Variants in ZFYVE9 observed in about 807,000 individuals in gnomAD.
The protein encoded by ZFYVE9 is zinc finger FYVE-type containing 9, also known as zinc finger FYVE domain-containing protein 9.
Under a neutral mutation model 126.7 loss-of-function variants are expected in ZFYVE9, and 43 were observed. The observed-to-expected ratio is 0.34, with a 90% confidence interval of 0.27 to 0.44. The LOEUF (loss-of-function observed/expected upper bound fraction) is 0.44, where lower values mean the gene tolerates loss of function less well. Ranked by LOEUF, ZFYVE9 falls within the 20% of genes least tolerant of loss-of-function variation. The pLI is 1.00. For missense variants in ZFYVE9, 1,476 were observed against 1,697.0 expected, an observed-to-expected ratio of 0.87 and a Z score of 2.29; for synonymous variants, 521 against 597.4, an observed-to-expected ratio of 0.87 and a Z score of 1.87.
At chr1:52,203,930 C>G (rs975908211) in intron 1 of ZFYVE9, among the ~76,000 whole-genome samples, 1 of 152,014 alleles carries the variant, frequency 6.6e-6, no homozygotes, top group Non-Finnish European at 1.5e-5. Context: ...TAGAATTTTT[C>G]TATACTTTCA....
chr1:52,160,013 T>C (rs555769056), intron 1 of ZFYVE9, among the ~76,000 whole-genome samples: 1 of 151,822 alleles, frequency 6.6e-6, no homozygotes, highest in African/African-American at 2.4e-5. Context: ...TTGGTAGAAA[T>C]TACTTTTATG....
intron 4 of ZFYVE9, among the ~76,000 whole-genome samples, chr1:52,243,408 A>C (rs1645354748): frequency 6.6e-6 from 1 of 152,236 alleles, no homozygotes; most frequent in African/African-American, 2.4e-5. Context: ...GTTGACACAT[A>C]AAGGTGGAGG....
chr1:52,180,595 A>AT, intron 1 of ZFYVE9: 1 of 577,066 alleles, frequency 1.7e-6, no homozygotes, highest in Non-Finnish European at 3.1e-6. Flanking sequence ...AATTGTCTGG[A>AT]TTTTTTAAAA....
chr1:52,318,296 G>C (rs1055201081), intron 13 of ZFYVE9, among the ~76,000 whole-genome samples: 4 of 151,402 alleles, frequency 2.6e-5, no homozygotes, highest in Admixed American at 2.6e-4. Flanking sequence ...GGATGAAAAA[G>C]GAAAACCATA....
At chr1:52,332,181 A>C (rs1187698988) in intron 13 of ZFYVE9, among the ~76,000 whole-genome samples, 1 of 152,074 alleles carries the variant, frequency 6.6e-6, no homozygotes, top group Non-Finnish European at 1.5e-5. Context: ...ATTACATGCA[A>C]AACAGTGGCC....
chr1:52,160,710 G>T, intron 1 of ZFYVE9: 1 of 430,138 alleles, frequency 2.3e-6, no homozygotes, highest in Non-Finnish European at 4.1e-6. Flanking sequence ...CACTGTGCCC[G>T]GCCTTGATGA....
intron 13 of ZFYVE9, among the ~76,000 whole-genome samples, chr1:52,326,478 G>C (rs769919346): frequency 4.6e-5 from 7 of 151,810 alleles, no homozygotes; most frequent in Non-Finnish European, 1.0e-4. Flanking sequence ...TATAGAAGAG[G>C]GTCCTGGGAC....
intron 14 of ZFYVE9, among the ~76,000 whole-genome samples, chr1:52,333,221 C>T (rs1454008453): frequency 6.6e-6 from 1 of 150,408 alleles, no homozygotes; most frequent in African/African-American, 2.5e-5. Flanking sequence ...ACTAACATGG[C>T]ATGTGTATAC....
At chr1:52,259,806 A>G (rs939489721) in intron 4 of ZFYVE9, among the ~76,000 whole-genome samples, 2 of 152,006 alleles carry the variant, frequency 1.3e-5, no homozygotes, top group African/African-American at 4.8e-5. Flanking sequence ...AAAAATAAAA[A>G]AGAAAAAGGC....
chr1:52,200,026 G>GTTTTTT (rs35432772), intron 1 of ZFYVE9, among the ~76,000 whole-genome samples: 1 of 145,604 alleles, frequency 6.9e-6, no homozygotes, highest in Non-Finnish European at 1.5e-5. Flanking sequence ...TTTTGATCCA[G>GTTTTTT]TTTTTTTTTT....
intron 1 of ZFYVE9, among the ~76,000 whole-genome samples, chr1:52,155,692 A>T (rs1183124147): frequency 1.3e-5 from 2 of 152,214 alleles, no homozygotes; most frequent in African/African-American, 2.4e-5. Flanking sequence ...GACTTGCTGC[A>T]GAGTTGTTGC....
Position 52,185,385 on chromosome 1 carries a change from C to A in ZFYVE9, c.-142-30984C>A, listed in dbSNP as rs191319960. Among the ~76,000 whole-genome samples the A allele has an allele frequency of 6.6e-5, 10 of 152,164 alleles. No homozygotes were observed. In the East Asian group the frequency reaches 1.9e-3, roughly 29 times the overall value. On this transcript the variant is annotated intron_variant, in intron 1 of 18. Transcript: ENST00000287727. Reference sequence around the variant, plus strand: ...ATTCCCATGGAAAGACTTATTCTGACAAAATTATCAATGGTTAGTGTATTT... The same window carrying A: ...ATTCCCATGGAAAGACTTATTCTGAAAAAATTATCAATGGTTAGTGTATTT...
chr1:52,158,544 T>G (rs1388382572), intron 1 of ZFYVE9, among the ~76,000 whole-genome samples: 1 of 152,214 alleles, frequency 6.6e-6, no homozygotes, highest in Non-Finnish European at 1.5e-5. Flanking sequence ...CTATCAGGCT[T>G]CTAGGTTTTC....
At chr1:52,181,983 G>A (rs981264541) in intron 1 of ZFYVE9, among the ~76,000 whole-genome samples, 5 of 151,636 alleles carry the variant, frequency 3.3e-5, no homozygotes, top group South Asian at 2.1e-4. Context: ...CAGCCGCCCC[G>A]TCCCGGAGGG....
intron 15 of ZFYVE9, among the ~76,000 whole-genome samples, chr1:52,336,422 T>A (rs143244826): frequency 2.8e-5 from 4 of 142,880 alleles, no homozygotes; most frequent in Non-Finnish European, 4.5e-5. Context: ...TGGAGTACAG[T>A]GGCACAATCT....
chr1:52,319,480 T>G (rs1016833133), intron 13 of ZFYVE9, among the ~76,000 whole-genome samples: 5 of 150,952 alleles, frequency 3.3e-5, no homozygotes, highest in African/African-American at 1.2e-4. Flanking sequence ...CAAAATTAGC[T>G]GGGCGTGGTG....
At chr1:52,271,801 A>G (rs529033027) in intron 7 of ZFYVE9, among the ~76,000 whole-genome samples, 1 of 152,258 alleles carries the variant, frequency 6.6e-6, no homozygotes, top group East Asian at 1.9e-4. Context: ...CTAAGTAGAG[A>G]CAGAAGTATG....
chr1:52,164,377 C>G (rs1299594582), intron 1 of ZFYVE9, among the ~76,000 whole-genome samples: 1 of 151,962 alleles, frequency 6.6e-6, no homozygotes, highest in Non-Finnish European at 1.5e-5. Context: ...CCACGTCCAG[C>G]TAATTTTTGT....
At chr1:52,213,870 A>C (rs1459271132) in intron 1 of ZFYVE9, among the ~76,000 whole-genome samples, 3 of 152,058 alleles carry the variant, frequency 2.0e-5, no homozygotes, top group Non-Finnish European at 4.4e-5. Flanking sequence ...AGCACCTTAG[A>C]GAGATTTGTG....
Sources: gnomAD v4.1 joint callset for allele counts (sites outside exome capture counted in the v4.1 genomes callset) on GRCh38, gnomAD v4.1.1 for gene constraint, MANE v1.5 for transcripts, NCBI Gene and HGNC (gene_info 2026-07-23, HGNC 2026-07-21) for gene names.